Variants in GCA observed in about 807,000 individuals in gnomAD.
GCA encodes the protein grancalcin, also known as grancalcin, EF-hand calcium-binding protein.
A neutral mutation model predicts 32.6 loss-of-function variants in GCA; 30 were observed. The observed-to-expected ratio is 0.92, with a 90% CI of 0.69 to 1.25. GCA has a LOEUF of 1.25. Among genes scored for constraint, GCA ranks in the 50% most tolerant of loss-of-function variants. The pLI, the probability that GCA is intolerant of heterozygous loss-of-function variation, is 0.00. For missense variants in GCA, 291 were observed against 266.8 expected, an observed-to-expected ratio of 1.09 and a Z score of -0.63; for synonymous variants, 102 against 84.6, an observed-to-expected ratio of 1.21 and a Z score of -1.13.
At chr2:162,366,587 TG>T (rs1252035930), downstream of GCA, among the ~76,000 whole-genome samples, 2 of 151,946 alleles carry the variant, frequency 1.3e-5, no homozygotes, top group Admixed American at 1.3e-4. Context: ...TGTTGGGCAC[TG>T]ATCAATCACA....
chr2:162,332,039 G>A (rs909707241), intron 1 of GCA, among the ~76,000 whole-genome samples: 6 of 152,018 alleles, frequency 3.9e-5, no homozygotes, highest in Non-Finnish European at 7.4e-5. Context: ...GCTGGGTGTG[G>A]TGGCTCACGC....
In GCA at chr2:162,362,006, A is replaced by G. The variant is rs2105358931; in HGVS notation, c.*1763A>G. On this transcript the variant is annotated 3_prime_UTR_variant, in exon 8 of 8. Coordinates refer to ENST00000437150, the MANE Select transcript of GCA (RefSeq NM_012198.5). ...AACTTTTAAAATGACAAATGGTATT[A>G]TTCATGTAAGCTTCTGCCAGGTGAC... The G allele has an allele frequency of 2.0e-6, 2 of 983,046 alleles. No homozygotes were observed. The highest frequency in any genetic ancestry group is 4.7e-5 in the South Asian group (1 of 21,254). The allele number at this position is 983,046 out of a possible 1,614,324, so 60.9% of individuals were successfully genotyped here.
upstream of GCA, among the ~76,000 whole-genome samples, chr2:162,341,456 T>C (rs2105295596): frequency 6.6e-6 from 1 of 151,898 alleles, no homozygotes; most frequent in South Asian, 2.1e-4. Context: ...TACATTTTAC[T>C]GGTAAATGTG....
chr2:162,340,050 T>C (rs1330464864), upstream of GCA, among the ~76,000 whole-genome samples: 1 of 152,208 alleles, frequency 6.6e-6, no homozygotes, highest in Non-Finnish European at 1.5e-5. Flanking sequence ...AGGCCTTAAT[T>C]TCTTAGTCCC....
At chr2:162,318,787 G>T (rs2105239767), upstream of GCA, 1 of 161,474 alleles carries the variant, frequency 6.2e-6, no homozygotes, top group African/African-American at 2.4e-5. Context: ...TTTTGGTCGG[G>T]GCGGGTGAAG....
intron 3 of GCA, among the ~76,000 whole-genome samples, chr2:162,354,032 A>T (rs1406771506): frequency 6.6e-6 from 1 of 151,930 alleles, no homozygotes; most frequent in Non-Finnish European, 1.5e-5. Context: ...ATTGTCCCTT[A>T]TCTCTCTGAG....
chr2:162,367,811 A>G (rs1466879402), downstream of GCA, among the ~76,000 whole-genome samples: 1 of 151,990 alleles, frequency 6.6e-6, no homozygotes. Context: ...AGCACCTAGT[A>G]TATGCCAGGC....
intron 1 of GCA, among the ~76,000 whole-genome samples, chr2:162,333,095 G>A (rs1684153438): frequency 6.6e-6 from 1 of 152,036 alleles, no homozygotes; most frequent in Non-Finnish European, 1.5e-5. Context: ...CCAAAAAGTT[G>A]CAAGATTAAT....
intron 1 of GCA, among the ~76,000 whole-genome samples, chr2:162,326,081 T>A (rs1239889299): frequency 2.0e-5 from 3 of 152,082 alleles, no homozygotes; most frequent in Non-Finnish European, 2.9e-5. Context: ...CTCTGCTGGG[T>A]GTGCCTCTGA....
chr2:162,366,003 G>A (rs903640942), downstream of GCA, among the ~76,000 whole-genome samples: 1 of 151,596 alleles, frequency 6.6e-6, no homozygotes, highest in Non-Finnish European at 1.5e-5. Context: ...CAGTTTAAAT[G>A]CTAACAGTTG....
chr2:162,344,405 A>G lies in GCA; in HGVS notation c.27+130A>G, dbSNP rs1684574429. On this transcript the variant is annotated intron_variant, in intron 1 of 7. Coordinates refer to ENST00000437150, the MANE Select transcript of GCA (RefSeq NM_012198.5). ...CGCGCCTGGTACTCGGCGGCGCCGGATTCCGGGGCTGTTGGGGGCCAGGGC... is the reference window on the plus strand; with the variant it reads ...CGCGCCTGGTACTCGGCGGCGCCGGGTTCCGGGGCTGTTGGGGGCCAGGGC... 51 of 852,690 alleles carry G rather than the reference A, an allele frequency of 6.0e-5. 3 individuals are homozygous for G. The South Asian group carries it at 7.5e-4, about 13-fold the overall frequency. The allele number at this position is 852,690 out of a possible 1,614,324, so 52.8% of individuals were successfully genotyped here.
chr2:162,345,121 TGGTG>T, intron 1 of GCA, among the ~76,000 whole-genome samples: 1 of 142,548 alleles, frequency 7.0e-6, no homozygotes, highest in Admixed American at 7.0e-5. Flanking sequence ...GTGGTGGTGG[TGGTG>T]GTGGTGGTGG....
chr2:162,354,096 A>G (rs1296699006), intron 3 of GCA, among the ~76,000 whole-genome samples: 2 of 151,874 alleles, frequency 1.3e-5, no homozygotes, highest in Admixed American at 6.6e-5. Flanking sequence ...TGTTTTTTCC[A>G]GATTGTTTTT....
chr2:162,373,482 G>C (rs375047834), downstream of GCA: 10 of 1,539,886 alleles, frequency 6.5e-6, no homozygotes, highest in Non-Finnish European at 2.6e-6. Flanking sequence ...GTGAGGAAGG[G>C]CTGAAACTTC....
chr2:162,361,822 G>A lies in GCA; in HGVS notation c.*1579G>A. ...CTAATTAGAAGTGTTGTAGGAAAAA[G>A]CAAATGTGAAAACACTAAGTGTCGT... On this transcript the variant is annotated 3_prime_UTR_variant, in exon 8 of 8. Coordinates refer to ENST00000437150, the MANE Select transcript of GCA (RefSeq NM_012198.5). 1 of 984,304 alleles carries A rather than the reference G, an allele frequency of 1.0e-6. No individual in the cohort carries two copies. The highest frequency in any genetic ancestry group is 1.2e-6 in the Non-Finnish European group (1 of 829,114). 61.0% of individuals were successfully genotyped at this position (984,304 alleles called of 1,614,324 possible). A position where few individuals can be genotyped will look rare whatever the true frequency, so the allele number is the denominator to read the frequency against.
intron 3 of GCA, among the ~76,000 whole-genome samples, chr2:162,354,080 A>G (rs1019978647): frequency 3.3e-5 from 5 of 152,138 alleles, no homozygotes; most frequent in Non-Finnish European, 7.4e-5. Context: ...CTTCCTATAT[A>G]ACCTTTGTTT....
At chr2:162,328,573 G>T (rs535244295) in intron 1 of GCA, among the ~76,000 whole-genome samples, 1 of 152,268 alleles carries the variant, frequency 6.6e-6, no homozygotes, top group Non-Finnish European at 1.5e-5. Context: ...ATACACACGG[G>T]CAGGCTGTGG....
In GCA at chr2:162,321,584, G is replaced by A. The variant is rs1459265197; in HGVS notation, c.-31+2359G>A. Among the ~76,000 whole-genome samples the A allele has an allele frequency of 2.6e-5, 4 of 151,910 alleles. No homozygotes were observed. In the East Asian group the frequency reaches 7.7e-4, roughly 29 times the overall value. On this transcript the variant is annotated intron_variant, in intron 1 of 4. Transcript: ENST00000429691. ...AGATGCTCTTAACCTGGCAGTGTGG[G>A]GTATGGTTAAGCACAGAGACTCTGA...
chr2:162,363,021 A>G lies in GCA; in HGVS notation c.*2778A>G, dbSNP rs575814677. The stretch of plus-strand genomic sequence containing the variant: ...AGTTAAAAAAAATAACAAAAAATCA[A>G]TTTGTGATTATTTCTTTAAGTAAAA... On this transcript the variant is annotated 3_prime_UTR_variant, in exon 8 of 8. Coordinates refer to ENST00000437150, the MANE Select transcript of GCA (RefSeq NM_012198.5). Among the ~76,000 whole-genome samples, 1 of 151,546 alleles carries G rather than the reference A, an allele frequency of 6.6e-6. No individual in the cohort carries two copies. The highest frequency in any genetic ancestry group is 1.5e-5 in the Non-Finnish European group (1 of 67,532).
Sources: gnomAD v4.1 joint callset for allele counts (sites outside exome capture counted in the v4.1 genomes callset) on GRCh38, gnomAD v4.1.1 for gene constraint, MANE v1.5 for transcripts, NCBI Gene and HGNC (gene_info 2026-07-23, HGNC 2026-07-21) for gene names.